TXNRD1: variants seen among roughly 807,000 people sequenced by gnomAD.
TXNRD1 encodes the protein thioredoxin reductase 1, also known as thioredoxin reductase 1, cytoplasmic.
TXNRD1 carries 57 observed loss-of-function variants against 80.3 expected under a neutral mutation model. That is an observed-to-expected ratio of 0.71 (90% CI 0.57 to 0.89). The LOEUF (loss-of-function observed/expected upper bound fraction) is 0.89. Among genes scored for constraint, TXNRD1 ranks in the 40% least tolerant of loss-of-function variants. TXNRD1 has a pLI of 0.00. For missense variants in TXNRD1, 730 were observed against 803.0 expected, an observed-to-expected ratio of 0.91 and a Z score of 1.10; for synonymous variants, 291 against 285.2, an observed-to-expected ratio of 1.02 and a Z score of -0.20.
rs1161549363 is a variant in TXNRD1 at position 104,291,480 on chromosome 12, C to CTT, written c.414+2460_414+2461dup. ...TACAAGTGTGACCCACCGCACCCAG[C>CTT]TTTTTTTTTTTTTTTTTTTTTGAGA... On this transcript the variant is annotated intron_variant, in intron 4 of 16. Coordinates refer to ENST00000525566, the MANE Select transcript of TXNRD1 (RefSeq NM_001093771.3). 7.5e-3 allele frequency among the ~76,000 whole-genome samples: 738 copies of CTT among 98,382 alleles called. 28 individuals carry two copies. Among genetic ancestry groups the CTT allele is most frequent in the African/African-American group, 0.023 (540 of 23,424 alleles). 64.5% of individuals were successfully genotyped at this position (98,382 alleles called of 152,430 possible). A position where few individuals can be genotyped will look rare whatever the true frequency, so the allele number is the denominator to read the frequency against.
chr12:104,340,243 G>A lies in TXNRD1; in HGVS notation c.1881+970G>A, dbSNP rs13377693. On this transcript the variant is annotated intron_variant, in intron 16 of 16. Transcript: ENST00000525566. ...TATAGAAAGCTGCTGTTTTTGTGAC[G>A]GAAATAGAATTAAGCTTCAAAAAAA... 8.5e-3 allele frequency among the ~76,000 whole-genome samples: 1,299 copies of A among 152,146 alleles called. 18 individuals are homozygous for A. The highest frequency in any genetic ancestry group is 0.03 in the African/African-American group (1,233 of 41,472).
chr12:104,311,259 A>C (rs148691000), intron 4 of TXNRD1, 31 bp from the exon 5 acceptor site: 23 of 1,533,630 alleles, frequency 1.5e-5, no homozygotes, highest in Admixed American at 2.2e-5. Context: ...TTTTAAGTTA[A>C]ATTATTTTCT....
intron 3 of TXNRD1, 47 bp from the exon 4 acceptor site, chr12:104,288,883 CG>C (rs745566912): frequency 6.2e-7 from 1 of 1,613,486 alleles, no homozygotes; most frequent in Non-Finnish European, 8.5e-7. Flanking sequence ...CGCCTGTTAG[CG>C]GGGGAGAAGC....
Position 104,304,543 on chromosome 12 carries a change from A to G in TXNRD1, c.415-6747A>G, listed in dbSNP as rs371354192. 172 of 1,614,066 alleles carry G rather than the reference A, an allele frequency of 1.1e-4. 1 individual carries two copies. The African/African-American group carries it at 1.5e-3, about 14-fold the overall frequency. On this transcript the variant is annotated intron_variant, in intron 4 of 16. Coordinates refer to ENST00000525566, the MANE Select transcript of TXNRD1 (RefSeq NM_001093771.3). ...TGGAAGAAAATGGCAACATGCCTAC[A>G]AAGTTGCAGAAGTTGGACCTGAGTA...
At chr12:104,270,422 A>C (rs1203963676) in intron 3 of TXNRD1, among the ~76,000 whole-genome samples, 1 of 152,180 alleles carries the variant, frequency 6.6e-6, no homozygotes, top group East Asian at 1.9e-4. Context: ...GACCACATGC[A>C]CTGTCAATGA....
chr12:104,257,466 G>A (rs1375873790), intron 2 of TXNRD1, among the ~76,000 whole-genome samples: 1 of 142,090 alleles, frequency 7.0e-6, no homozygotes, highest in Non-Finnish European at 1.5e-5. Context: ...GAGTGCAGTG[G>A]TACAATCCTG....
At chr12:104,339,390 G>T in intron 16 of TXNRD1, 117 bp downstream of exon 16, 1 of 1,385,012 alleles carries the variant, frequency 7.2e-7, no homozygotes, top group South Asian at 1.2e-5. Flanking sequence ...TTCCTCAAAA[G>T]AGGGCTTTGT....
intron 3 of TXNRD1, among the ~76,000 whole-genome samples, chr12:104,275,135 A>G (rs2033729974): frequency 6.6e-6 from 1 of 151,576 alleles, no homozygotes; most frequent in African/African-American, 2.4e-5. Context: ...TTTTCTAGCC[A>G]GGTGTGGTGG....
At chr12:104,229,432 C>T (rs966104663) in intron 1 of TXNRD1, among the ~76,000 whole-genome samples, 5 of 151,926 alleles carry the variant, frequency 3.3e-5, no homozygotes, top group Non-Finnish European at 7.4e-5. Context: ...TAAGTGGAAT[C>T]ATACAATCTA....
At chr12:104,247,304 G>T (rs1259683867) in intron 1 of TXNRD1, among the ~76,000 whole-genome samples, 1 of 152,100 alleles carries the variant, frequency 6.6e-6, no homozygotes, top group African/African-American at 2.4e-5. Context: ...GTGACCTCAG[G>T]CAATCTGCCT....
At chr12:104,287,064 C>G (rs1128446) in intron 3 of TXNRD1, 320,382 of 1,415,598 alleles carry the variant, frequency 0.23, 37,570 homozygotes, top group Middle Eastern at 0.27. Flanking sequence ...GAAAGGTGGT[C>G]GAGTCCTGAA....
At chr12:104,228,076 G>A (rs533989009) in intron 1 of TXNRD1, among the ~76,000 whole-genome samples, 1 of 152,248 alleles carries the variant, frequency 6.6e-6, no homozygotes, top group South Asian at 2.1e-4. Context: ...GCCGAGCGGG[G>A]CAGATCACCT....
intron 11 of TXNRD1, among the ~76,000 whole-genome samples, chr12:104,325,871 C>CAAAAAAA (rs34788892): frequency 1.5e-5 from 2 of 130,028 alleles, no homozygotes; most frequent in Non-Finnish European, 3.3e-5. Flanking sequence ...GACTCCATCT[C>CAAAAAAA]AAAAAAAAAA....
intron 4 of TXNRD1, chr12:104,303,771 A>G (rs2034746793): frequency 9.1e-6 from 11 of 1,215,040 alleles, no homozygotes; most frequent in East Asian, 2.7e-5. Context: ...AACTGCCGCC[A>G]CTTTCCACAC....
intron 5 of TXNRD1, among the ~76,000 whole-genome samples, chr12:104,312,778 A>C (rs1480647360): frequency 6.6e-6 from 1 of 152,242 alleles, no homozygotes. Flanking sequence ...AAACTTCTTC[A>C]GTATTCTGCC....
At chr12:104,307,678 A>G (rs889111921) in intron 4 of TXNRD1, among the ~76,000 whole-genome samples, 2 of 152,202 alleles carry the variant, frequency 1.3e-5, no homozygotes, top group Non-Finnish European at 2.9e-5. Context: ...GATAGAAACT[A>G]TGTTTAGGGG....
intron 4 of TXNRD1, among the ~76,000 whole-genome samples, chr12:104,308,862 ATTT>A (rs1278538645): frequency 6.7e-6 from 1 of 148,612 alleles, no homozygotes; most frequent in Non-Finnish European, 1.5e-5. Context: ...AGCACTTTCA[ATTT>A]TAAGTTTGGT....
chr12:104,304,145 G>C, intron 4 of TXNRD1: 1 of 1,614,082 alleles, frequency 6.2e-7, no homozygotes, highest in South Asian at 1.1e-5. Context: ...CGAGGCTCTG[G>C]AGGAAGCCAA....
At chr12:104,300,486 G>A (rs1377984183) in intron 4 of TXNRD1, among the ~76,000 whole-genome samples, 12 of 152,168 alleles carry the variant, frequency 7.9e-5, no homozygotes, top group African/African-American at 2.7e-4. Flanking sequence ...TATCAGTAGT[G>A]CAGTTTCTTC....
Sources: allele counts gnomAD v4.1 joint callset (sites outside exome capture counted in the v4.1 genomes callset), GRCh38; gene constraint gnomAD v4.1.1; transcripts MANE v1.5; gene names NCBI Gene and HGNC (gene_info 2026-07-23, HGNC 2026-07-21).